ORC3: variants seen among roughly 807,000 people sequenced by gnomAD.
The protein encoded by ORC3 is homolog of latheo, Drosophila.
ORC3 carries 78 observed loss-of-function variants against 100.7 expected under a neutral mutation model. The observed-to-expected ratio is 0.77, with a 90% CI of 0.65 to 0.94. The LOEUF (loss-of-function observed/expected upper bound fraction) is 0.94, where lower values mean the gene tolerates loss of function less well. Ranked by LOEUF, ORC3 falls within the 40% of genes least tolerant of loss-of-function variation. The probability of loss-of-function intolerance (pLI) is 0.00; values close to 1 mark genes in which losing one functional copy is unlikely to be tolerated. For synonymous variants in ORC3, 295 were observed against 289.3 expected (o/e 1.02, Z -0.20); for missense variants, 789 against 823.9 (o/e 0.96, Z 0.52).
intron 11 of ORC3, 131 bp downstream of exon 11, chr6:87,622,144 T>A: frequency 1.8e-6 from 1 of 570,708 alleles, no homozygotes; most frequent in Non-Finnish European, 3.0e-6. Flanking sequence ...TACTGGGTCT[T>A]GATAGTCACC....
At chr6:87,656,248 TTTAAG>T (rs1303809360) in intron 14 of ORC3, among the ~76,000 whole-genome samples, 8 of 152,338 alleles carry the variant, frequency 5.3e-5, no homozygotes, top group African/African-American at 1.4e-4. Flanking sequence ...GGAAAACAGT[TTTAAG>T]TTTTTATTAT....
chr6:87,667,331 T>C lies in ORC3; in HGVS notation c.*208T>C, dbSNP rs28381552. 15,724 of 428,988 alleles carry C rather than the reference T, an allele frequency of 0.037. 377 individuals carry two copies. Among genetic ancestry groups the C allele is most frequent in the Non-Finnish European group, 0.048 (11,595 of 243,954 alleles). The allele number at this position is 428,988 out of a possible 1,614,324, so 26.6% of individuals were successfully genotyped here. On this transcript the variant is annotated 3_prime_UTR_variant, in exon 20 of 20. Coordinates refer to ENST00000392844, the MANE Select transcript of ORC3 (RefSeq NM_012381.4). ...TACTTTAGACTCCAACAAATAATAA[T>C]GTAACTAAAACTGCTCACACATTTT...
intron 2 of ORC3, among the ~76,000 whole-genome samples, chr6:87,596,449 T>TTG (rs924552693): frequency 2.5e-3 from 100 of 39,322 alleles, no homozygotes; most frequent in African/African-American, 0.012. Flanking sequence ...TTTTTTGTTG[T>TTG]TTTTTTTTTT....
chr6:87,601,901 A>G lies in ORC3; in HGVS notation c.177+20A>G. 7.4e-7 allele frequency: 1 copy of G among 1,353,968 alleles called. No homozygotes were observed. Among genetic ancestry groups the G allele is most frequent in the Admixed American group, 1.7e-5 (1 of 59,142 alleles). The allele number at this position is 1,353,968 out of a possible 1,614,324, so 83.9% of individuals were successfully genotyped here. On this transcript the variant is annotated intron_variant, in intron 3 of 19. Coordinates refer to ENST00000392844, the MANE Select transcript of ORC3 (RefSeq NM_012381.4). ...AATGAGGTGAATACTTTTTTTAATAATTTTCTGTAACACCCTAAGTCTCAT... is the reference window on the plus strand; with the variant it reads ...AATGAGGTGAATACTTTTTTTAATAGTTTTCTGTAACACCCTAAGTCTCAT...
chr6:87,661,942 T>C (rs1770213269), intron 16 of ORC3, among the ~76,000 whole-genome samples: 1 of 152,194 alleles, frequency 6.6e-6, no homozygotes. Flanking sequence ...CAAAGCAAAT[T>C]TTTAATGCCA....
chr6:87,607,721 G>A lies in ORC3; in HGVS notation c.476G>A (p.Cys159Tyr), dbSNP rs1196982905. Residue 159 changes from cysteine (C) to tyrosine (Y), a missense_variant, in exon 6 of 20, where the codon TGT becomes TAT. Cys to Tyr is a radical substitution (Grantham distance 194, BLOSUM62 -2). Around this residue, in one of 3 missense-constraint regions of ORC3, gnomAD observed 399 missense variants for 382.0 expected, o/e 1.04. Coordinates refer to ENST00000392844, the MANE Select transcript of ORC3 (RefSeq NM_012381.4). The part of the protein sequence containing the change: ...QKLISQLMDC[C>Y]VDIKSKEEES... The stretch of plus-strand genomic sequence containing the variant: ...TTGATCTCACAGTTGATGGACTGCT[G>A]TGTAGATATAAAATCCAAAGAGGAG... 36 of 1,611,990 alleles carry A rather than the reference G, an allele frequency of 2.2e-5. No homozygotes were observed. In the East Asian group the frequency reaches 2.5e-4, roughly 11 times the overall value.
chr6:87,644,076 GTCCTTTT>G (rs1768514600), intron 13 of ORC3, among the ~76,000 whole-genome samples: 2 of 99,676 alleles, frequency 2.0e-5, no homozygotes, highest in African/African-American at 8.7e-5. Context: ...ATGGCTGACT[GTCCTTTT>G]TTTTTTTTTT....
intron 13 of ORC3, among the ~76,000 whole-genome samples, chr6:87,645,099 G>A (rs865893771): frequency 3.3e-5 from 5 of 151,834 alleles, no homozygotes; most frequent in Admixed American, 1.3e-4. Context: ...TTATTGCTTT[G>A]CCCATCCATT....
At chr6:87,625,443 C>T (rs1334049096) in intron 11 of ORC3, among the ~76,000 whole-genome samples, 1 of 152,164 alleles carries the variant, frequency 6.6e-6, no homozygotes, top group Non-Finnish European at 1.5e-5. Context: ...TCTCTGATAA[C>T]CAGTGATGAT....
intron 5 of ORC3, among the ~76,000 whole-genome samples, chr6:87,606,766 C>T (rs1778374940): frequency 6.6e-6 from 1 of 152,114 alleles, no homozygotes; most frequent in South Asian, 2.1e-4. Context: ...GTTGTCCAGA[C>T]TGGTCTTGAA....
chr6:87,602,487 AAC>A lies in ORC3; in HGVS notation c.177+610_177+611del, dbSNP rs1052594953. ...GACAACTTTTTTTTTTTTTTTGGCC[AAC>A]ACAGTGTTGTAGTTTTTGGTTTAAT... On this transcript the variant is annotated intron_variant, in intron 3 of 19. Coordinates refer to ENST00000392844, the MANE Select transcript of ORC3 (RefSeq NM_012381.4). Among the ~76,000 whole-genome samples, 42 of 148,924 alleles carry A rather than the reference AAC, an allele frequency of 2.8e-4. No individual in the cohort carries two copies. The Middle Eastern group carries it at 0.01, about 36-fold the overall frequency.
chr6:87,606,136 A>G (rs1778323958), intron 5 of ORC3, 115 bp downstream of exon 5: 2 of 638,170 alleles, frequency 3.1e-6, no homozygotes, highest in East Asian at 2.7e-5. Flanking sequence ...ACACAGTGCT[A>G]TGTTTTAGGC....
intron 6 of ORC3, among the ~76,000 whole-genome samples, 193 bp from the exon 7 acceptor site, chr6:87,608,903 C>T (rs1778537932): frequency 1.3e-5 from 2 of 150,958 alleles, no homozygotes; most frequent in African/African-American, 4.9e-5. Context: ...GAACCTTTTT[C>T]TTCTTGGTTA....
chr6:87,630,572 A>T (rs1312848287), intron 11 of ORC3, among the ~76,000 whole-genome samples: 2 of 152,190 alleles, frequency 1.3e-5, no homozygotes, highest in Non-Finnish European at 2.9e-5. Context: ...TCATTGTATC[A>T]GGGAGACAGA....
At chr6:87,674,642 A>AT in the ORC3 span, among the ~76,000 whole-genome samples, 3,481 of 140,852 alleles carry the variant, frequency 0.025, 56 homozygotes, top group Non-Finnish European at 0.032. Context: ...ATATATATAT[A>AT]TTTTTTTTTT....
chr6:87,598,738 A>T (rs1221892192), intron 2 of ORC3, among the ~76,000 whole-genome samples: 3 of 151,540 alleles, frequency 2.0e-5, no homozygotes, highest in Non-Finnish European at 2.9e-5. Flanking sequence ...ATTGACCCTG[A>T]TTATAAGGCA....
chr6:87,603,301 C>G, intron 3 of ORC3, 83 bp from the exon 4 acceptor site: 1 of 694,904 alleles, frequency 1.4e-6, no homozygotes, highest in Non-Finnish European at 2.2e-6. Context: ...ATCATTGAAT[C>G]CATGACAATT....
intron 13 of ORC3, among the ~76,000 whole-genome samples, chr6:87,649,161 G>A (rs899193890): frequency 1.3e-5 from 2 of 152,168 alleles, no homozygotes; most frequent in Admixed American, 1.3e-4. Context: ...TGTATAAGGT[G>A]AGATAGTGAC....
Position 87,634,943 on chromosome 6 carries a change from G to A in ORC3, c.1284G>A (p.Lys428=). ...CLHKFTSSLP[K]YPLGRQIREL... is the part of the protein sequence containing the mutation. ...ATAAGTTCACCTCTTCTCTTCCCAA[G>A]TATCCACTAGGTCGACAGGTAATCC... The change falls in exon 12 of 20, where the codon AAG becomes AAA. Residue 428 remains lysine (K), a synonymous_variant. Transcript: ENST00000392844. 2 of 1,551,568 alleles carry A rather than the reference G, an allele frequency of 1.3e-6. No homozygotes were observed. Among genetic ancestry groups the A allele is most frequent in the Non-Finnish European group, 1.8e-6 (2 of 1,123,156 alleles).
Sources: gnomAD v4.1 joint callset for allele counts (sites outside exome capture counted in the v4.1 genomes callset) on GRCh38, gnomAD v4.1.1 for gene constraint, gnomAD v4.1.1 regional missense constraint, MANE v1.5 for transcripts, NCBI Gene and HGNC (gene_info 2026-07-23, HGNC 2026-07-21) for gene names.